Variants in TMEM232 observed in about 807,000 individuals in gnomAD.
The protein encoded by TMEM232 is transmembrane protein 232.
A neutral mutation model predicts 78.8 loss-of-function variants in TMEM232; 80 were observed. The ratio of observed to expected loss-of-function variants is 1.01; its 90% CI spans 0.85 to 1.22. TMEM232 has a LOEUF of 1.22. TMEM232 is among the 50% of genes most tolerant of loss of function. The pLI is 0.00. For missense variants in TMEM232, 881 were observed against 742.2 expected (o/e 1.19, Z -2.17); for synonymous variants, 297 against 254.3 (o/e 1.17, Z -1.60).
At chr5:110,496,295 T>C (rs907477917) in intron 12 of TMEM232, among the ~76,000 whole-genome samples, 1 of 151,938 alleles carries the variant, frequency 6.6e-6, no homozygotes, top group Non-Finnish European at 1.5e-5. Flanking sequence ...TAAAAACAAG[T>C]GTTACTTTTT....
chr5:110,488,546 A>G (rs886526495), intron 12 of TMEM232, among the ~76,000 whole-genome samples: 11 of 152,098 alleles, frequency 7.2e-5, no homozygotes, highest in Non-Finnish European at 1.2e-4. Context: ...ATTAAAACAC[A>G]ACAGACCAGA....
chr5:110,738,338 T>G, upstream of TMEM232: 1 of 960,174 alleles, frequency 1.0e-6, no homozygotes, highest in Non-Finnish European at 1.3e-6. Context: ...ATACCCTGAG[T>G]GATTTAGACA....
At chr5:110,643,910 T>TTA (rs1787092996) in intron 2 of TMEM232, among the ~76,000 whole-genome samples, 1 of 152,000 alleles carries the variant, frequency 6.6e-6, no homozygotes, top group Non-Finnish European at 1.5e-5. Context: ...AATCAACCCT[T>TTA]TAACTGCTAT....
At chr5:110,669,976 A>G (rs568224201) in intron 1 of TMEM232, among the ~76,000 whole-genome samples, 42 of 152,248 alleles carry the variant, frequency 2.8e-4, no homozygotes, top group East Asian at 1.2e-3. Context: ...TTGATGGGAC[A>G]TATCTCAAAA....
At chr5:110,605,051 T>A in intron 10 of TMEM232, 58 bp downstream of exon 10, 1 of 1,430,786 alleles carries the variant, frequency 7.0e-7, no homozygotes. Context: ...CTTATTACTA[T>A]ATGTAGACAG....
At chr5:110,595,078 C>T (rs531349471) in intron 10 of TMEM232, among the ~76,000 whole-genome samples, 1 of 152,198 alleles carries the variant, frequency 6.6e-6, no homozygotes, top group Non-Finnish European at 1.5e-5. Flanking sequence ...GAGGAAGGAA[C>T]AGGCAGCAAT....
chr5:110,546,377 A>G (rs1773783753), intron 11 of TMEM232, among the ~76,000 whole-genome samples: 1 of 152,146 alleles, frequency 6.6e-6, no homozygotes, highest in African/African-American at 2.4e-5. Context: ...TGTTTATCAT[A>G]TAAATTGCAT....
At chr5:110,419,223 A>G (rs562010586), downstream of TMEM232, among the ~76,000 whole-genome samples, 21 of 152,064 alleles carry the variant, frequency 1.4e-4, no homozygotes, top group Non-Finnish European at 2.4e-4. Flanking sequence ...AGGTATTTGG[A>G]AAGGTATATT....
chr5:110,525,243 A>T (rs964705680), intron 12 of TMEM232, among the ~76,000 whole-genome samples: 2 of 151,908 alleles, frequency 1.3e-5, no homozygotes, highest in Non-Finnish European at 2.9e-5. Flanking sequence ...AAATACATAA[A>T]AGGAAAAGGG....
chr5:110,403,923 T>C (rs1462107366), intron 2 of TMEM232, among the ~76,000 whole-genome samples: 1 of 151,992 alleles, frequency 6.6e-6, no homozygotes, highest in Non-Finnish European at 1.5e-5. Context: ...TTCTTCATGC[T>C]AGGAGATAAG....
At chr5:110,531,654 G>A (rs1362696355) in intron 11 of TMEM232, among the ~76,000 whole-genome samples, 1 of 152,058 alleles carries the variant, frequency 6.6e-6, no homozygotes, top group Non-Finnish European at 1.5e-5. Context: ...TCCCCCACCT[G>A]CCCAGCAATT....
At chr5:110,738,877 G>C (rs1799499052), upstream of TMEM232, 33 of 948,190 alleles carry the variant, frequency 3.5e-5, 1 homozygote, top group South Asian at 5.7e-4. Context: ...ATTCCCTAAC[G>C]ACAACAAACT....
At chr5:110,566,419 C>T (rs1430997995) in intron 11 of TMEM232, among the ~76,000 whole-genome samples, 1 of 151,832 alleles carries the variant, frequency 6.6e-6, no homozygotes, top group Non-Finnish European at 1.5e-5. Flanking sequence ...ATGCAGGCTG[C>T]AAATTTTTCA....
intron 10 of TMEM232, among the ~76,000 whole-genome samples, chr5:110,570,829 T>C (rs1776859276): frequency 6.6e-6 from 1 of 152,010 alleles, no homozygotes; most frequent in Non-Finnish European, 1.5e-5. Context: ...CCTATGTAAA[T>C]TCCAAATCGC....
downstream of TMEM232, among the ~76,000 whole-genome samples, chr5:110,415,098 C>T (rs1006438260): frequency 2.0e-5 from 3 of 152,118 alleles, no homozygotes; most frequent in African/African-American, 7.2e-5. Context: ...GACTCAGGCT[C>T]CTTATCTATT....
intron 11 of TMEM232, among the ~76,000 whole-genome samples, chr5:110,561,457 CA>C (rs1775736971): frequency 6.6e-6 from 1 of 151,702 alleles, no homozygotes; most frequent in Non-Finnish European, 1.5e-5. Flanking sequence ...AATTAATGCA[CA>C]TAAAGTGTTT....
Position 110,698,322 on chromosome 5 carries a change from T to C in TMEM232, c.-13+28305A>G, listed in dbSNP as rs150930499. On this transcript the variant is annotated intron_variant, in intron 1 of 13. Coordinates refer to ENST00000455884, the MANE Select transcript of TMEM232 (RefSeq NM_001039763.4). ...GAGGGGGAGGGATAGCATTAGGAGA[T>C]ACACCTAATGCTAAATGACAAGGTA... Among the ~76,000 whole-genome samples, 39 of 151,868 alleles carry C rather than the reference T, an allele frequency of 2.6e-4. No homozygotes were observed. The East Asian group carries it at 7.4e-3, about 29-fold the overall frequency.
chr5:110,407,212 A>C (rs1755825160), intron 2 of TMEM232, among the ~76,000 whole-genome samples: 1 of 152,076 alleles, frequency 6.6e-6, no homozygotes, highest in Non-Finnish European at 1.5e-5. Context: ...ATAACACTGA[A>C]TGTAAATGTG....
chr5:110,711,065 A>C (rs930586662), intron 1 of TMEM232, among the ~76,000 whole-genome samples: 21 of 152,346 alleles, frequency 1.4e-4, no homozygotes, highest in Admixed American at 7.2e-4. Flanking sequence ...AATTCAGTAA[A>C]GTTGCAGAAT....
Sources: allele counts gnomAD v4.1 joint callset (sites outside exome capture counted in the v4.1 genomes callset), GRCh38; gene constraint gnomAD v4.1.1; transcripts MANE v1.5; gene names NCBI Gene and HGNC (gene_info 2026-07-23, HGNC 2026-07-21).